The following LRRC42 variants were observed in gnomAD, a reference collection of about 807,000 sequenced individuals.
The protein encoded by LRRC42 is leucine-rich repeat-containing protein 42.
In LRRC42, 43 loss-of-function variants were observed where a neutral mutation model predicts 44.3. The observed-to-expected ratio is 0.97, with a 90% confidence interval of 0.76 to 1.25. The LOEUF is 1.25. Ranked by LOEUF, LRRC42 falls within the 50% of genes most tolerant of loss-of-function variation. The pLI is 0.00. For missense variants in LRRC42, 540 were observed against 509.1 expected, an observed-to-expected ratio of 1.06 and a Z score of -0.58; for synonymous variants, 207 against 195.2, an observed-to-expected ratio of 1.06 and a Z score of -0.50.
At chr1:53,964,411 C>T (rs1244779691) in intron 7 of LRRC42, among the ~76,000 whole-genome samples, 1 of 152,192 alleles carries the variant, frequency 6.6e-6, no homozygotes, top group Non-Finnish European at 1.5e-5. Flanking sequence ...ACACTAGACT[C>T]ATTCCCAAGT....
chr1:53,961,494 A>G (rs1193476813), intron 5 of LRRC42, among the ~76,000 whole-genome samples: 1 of 152,168 alleles, frequency 6.6e-6, no homozygotes, highest in Non-Finnish European at 1.5e-5. Context: ...AGCATCTACA[A>G]TGTGCCAGGC....
intron 2 of LRRC42, 141 bp from the exon 3 acceptor site, chr1:53,951,845 C>G (rs1654692945): frequency 3.0e-6 from 2 of 662,362 alleles, no homozygotes; most frequent in African/African-American, 3.6e-5. Context: ...AGTTCCCAGG[C>G]AACTGGTGAG....
chr1:53,951,491 C>G (rs1277458348), intron 2 of LRRC42, among the ~76,000 whole-genome samples: 4 of 152,154 alleles, frequency 2.6e-5, no homozygotes. Context: ...ATGAAACAAT[C>G]TTGGCTCACT....
chr1:53,950,545 T>A (rs1654647971), intron 2 of LRRC42, among the ~76,000 whole-genome samples: 1 of 152,254 alleles, frequency 6.6e-6, no homozygotes, highest in African/African-American at 2.4e-5. Flanking sequence ...GGCCACATTG[T>A]GGCCCCACAT....
intron 3 of LRRC42, among the ~76,000 whole-genome samples, chr1:53,955,225 C>G (rs933836148): frequency 6.6e-6 from 1 of 151,902 alleles, no homozygotes. Flanking sequence ...TAATTTTTTT[C>G]CAATGAAAGT....
intron 7 of LRRC42, among the ~76,000 whole-genome samples, chr1:53,965,000 T>G (rs1462481890): frequency 8.9e-6 from 1 of 112,334 alleles, no homozygotes; most frequent in African/African-American, 4.1e-5. Context: ...ACTGTATTGT[T>G]TTTTTTTGTT....
rs909020006 is a variant in LRRC42, at chr1:53,955,387, C to T, written c.474-2762C>T. 3.9e-5 allele frequency among the ~76,000 whole-genome samples: 6 copies of T among 152,128 alleles called. No homozygotes were observed. The East Asian group carries it at 1.2e-3, about 29-fold the overall frequency. On this transcript the variant is annotated intron_variant, in intron 3 of 8. Coordinates refer to ENST00000371370, the MANE Select transcript of LRRC42 (RefSeq NM_001256409.2). ...TCTTGGCTCACTGCAGCCTCCGCCT[C>T]CCAGGTTCAGGTGATTCTCCCACCT...
At chr1:53,949,302 AAC>A (rs1463602979) in intron 2 of LRRC42, among the ~76,000 whole-genome samples, 2 of 152,128 alleles carry the variant, frequency 1.3e-5, no homozygotes, top group Non-Finnish European at 1.5e-5. Flanking sequence ...TCCATTTTAC[AAC>A]AGTGTTTGTG....
intron 7 of LRRC42, among the ~76,000 whole-genome samples, chr1:53,963,322 A>G (rs1354106288): frequency 6.6e-6 from 1 of 152,226 alleles, no homozygotes; most frequent in Non-Finnish European, 1.5e-5. Flanking sequence ...CTAGTGCTGT[A>G]TGAGACCTAG....
At chr1:53,954,311 G>A (rs1485045713) in intron 3 of LRRC42, among the ~76,000 whole-genome samples, 2 of 152,214 alleles carry the variant, frequency 1.3e-5, no homozygotes, top group East Asian at 3.9e-4. Context: ...CTGGGCTATG[G>A]TCTCAGTCAT....
chr1:53,966,335 A>G lies in LRRC42; in HGVS notation c.967A>G (p.Lys323Glu), dbSNP rs1225910583. Residue 323 changes from lysine (K) to glutamate (E), a missense_variant, in exon 8 of 9, where the codon AAG becomes GAG. By Grantham distance (56) the Lys-to-Glu change is moderately conservative (BLOSUM62 1). Coordinates refer to ENST00000371370, the MANE Select transcript of LRRC42 (RefSeq NM_001256409.2). ...QWERVTAEAVKPRETSEPRAA... is the reference protein window; with the variant it reads ...QWERVTAEAVEPRETSEPRAA... The stretch of plus-strand genomic sequence containing the variant: ...GGAGCGTGTGACTGCGGAAGCTGTG[A>G]AGCCACGGGAGACCTCGGAGCCTAG... 6.2e-7 allele frequency: 1 copy of G among 1,613,962 alleles called. No homozygotes were observed. The highest frequency in any genetic ancestry group is 8.5e-7 in the Non-Finnish European group (1 of 1,179,908).
At position 53,962,294 on chromosome 1, in the gene LRRC42, A is replaced by G. The variant is rs1390743361; in HGVS notation, c.814-2A>G. 2 of 1,608,226 alleles carry G rather than the reference A, an allele frequency of 1.2e-6. No homozygotes were observed. Among genetic ancestry groups the G allele is most frequent in the African/African-American group, 1.3e-5 (1 of 74,802 alleles). Reference sequence around the variant, plus strand: ...ATTTCTGATCTGTCTCTGCCTCACTAGGACATCAAAACCGTCAAGCACAAG... The same window carrying G: ...ATTTCTGATCTGTCTCTGCCTCACTGGGACATCAAAACCGTCAAGCACAAG... On this transcript the variant is annotated splice_acceptor_variant, in intron 6 of 8. Transcript: ENST00000371370. LOFTEE classifies it high-confidence loss of function.
chr1:53,963,733 A>C lies in LRRC42; in HGVS notation c.927+1324A>C, dbSNP rs562002100. ...AGGCTGATTCCACTCACCTGTCCTC[A>C]TTCTCATCTCACAAGGGTCCACTTA... On this transcript the variant is annotated intron_variant, in intron 7 of 8. Coordinates refer to ENST00000371370, the MANE Select transcript of LRRC42 (RefSeq NM_001256409.2). 3.0e-4 allele frequency among the ~76,000 whole-genome samples: 45 copies of C among 152,170 alleles called. No homozygotes were observed. In the Middle Eastern group the frequency reaches 0.01, roughly 35 times the overall value.
chr1:53,958,593 A>G (rs898480142), intron 4 of LRRC42, among the ~76,000 whole-genome samples: 1 of 151,404 alleles, frequency 6.6e-6, no homozygotes, highest in Non-Finnish European at 1.5e-5. Flanking sequence ...TTTTATTTTT[A>G]TTTTTTTTGG....
At position 53,952,454 on chromosome 1, in the gene LRRC42, C is replaced by G; in HGVS notation, c.455C>G (p.Ser152Cys). The G allele has an allele frequency of 6.3e-7, 1 of 1,596,582 alleles. No homozygotes were observed. ...TEAYGSLVLC[S>C]LCLRNRYLVI... ...GCCTATGGAAGTTTGGTGCTTTGCT[C>G]CCTGTGTTTGCGAAACAGGTGGGTG... Residue 152 changes from serine (S) to cysteine (C), a missense_variant, in exon 3 of 9, where the codon TCC becomes TGC. Transcript: ENST00000371370.
intron 3 of LRRC42, among the ~76,000 whole-genome samples, chr1:53,953,007 G>T (rs1654735627): frequency 6.6e-6 from 1 of 152,186 alleles, no homozygotes; most frequent in Non-Finnish European, 1.5e-5. Flanking sequence ...TTGCTCATAT[G>T]CTTTATTTAA....
Position 53,952,466 on chromosome 1 carries a change from G to A in LRRC42, c.467G>A (p.Arg156Gln), listed in dbSNP as rs376545473. ...GSLVLCSLCLRNRYLVISEKL... is the reference protein window; with the variant it reads ...GSLVLCSLCLQNRYLVISEKL... ...TTGGTGCTTTGCTCCCTGTGTTTGC[G>A]AAACAGGTGGGTGTTCTGATTAGAT... Residue 156 changes from arginine to glutamine, a missense_variant, in exon 3 of 9, where the codon CGA (arginine) becomes CAA (glutamine). Transcript: ENST00000371370. 63 of 1,591,738 alleles carry A rather than the reference G, an allele frequency of 4.0e-5. 1 individual carries two copies. Among genetic ancestry groups the A allele is most frequent in the Non-Finnish European group, 4.9e-5 (57 of 1,164,672 alleles).
chr1:53,946,559 G>A lies in LRRC42; in HGVS notation c.-49+10G>A, dbSNP rs1262162202. The A allele has an allele frequency of 6.6e-6, 1 of 151,814 alleles. No individual in the cohort carries two copies. Among genetic ancestry groups the A allele is most frequent in the Admixed American group, 6.5e-5 (1 of 15,278 alleles). The allele number at this position is 151,814 out of a possible 1,614,324, so 9.4% of individuals were successfully genotyped here. A position where few individuals can be genotyped will look rare whatever the true frequency, so the allele number is the denominator to read the frequency against. ...CCGGGCAGGGGCACAGGTAGGTGGC[G>A]GCCGCGGGCCGGGCCGCTCGCGGGG... On this transcript the variant is annotated intron_variant, in intron 1 of 8. Transcript: ENST00000371370.
chr1:53,952,310 T>G lies in LRRC42; in HGVS notation c.311T>G (p.Ile104Ser). ...LGFISDNVDHIDSLIGFPEQI... is the reference protein window; with the variant it reads ...LGFISDNVDHSDSLIGFPEQI... ...TTCATCTCCGACAATGTGGATCACA[T>G]TGATTCCCTTATTGGCTTTCCTGAG... The change falls in exon 3 of 9, where the codon ATT becomes AGT. Residue 104 changes from isoleucine (I) to serine (S), a missense_variant. By Grantham distance (142) the Ile-to-Ser change is moderately radical (BLOSUM62 -2). Coordinates refer to ENST00000371370, the MANE Select transcript of LRRC42 (RefSeq NM_001256409.2). 6.2e-7 allele frequency: 1 copy of G among 1,614,242 alleles called. No homozygotes were observed. The highest frequency in any genetic ancestry group is 2.2e-5 in the East Asian group (1 of 44,878).
Sources: allele counts gnomAD v4.1 joint callset (sites outside exome capture counted in the v4.1 genomes callset), GRCh38; gene constraint gnomAD v4.1.1; transcripts MANE v1.5; gene names NCBI Gene and HGNC (gene_info 2026-07-23, HGNC 2026-07-21).